ZNF836: variants seen among roughly 807,000 people sequenced by gnomAD.
The protein encoded by ZNF836 is zinc finger protein 836.
A neutral mutation model predicts 7.4 loss-of-function variants in ZNF836; 12 were observed. That is an observed-to-expected ratio of 1.61 (90% CI 1.03 to 2.61). The LOEUF is 2.61. Ranked by LOEUF, ZNF836 falls within the 30% of genes most tolerant of loss-of-function variation. ZNF836 has a pLI of 0.00. For missense variants in ZNF836, 998 were observed against 1,126.2 expected (o/e 0.89, Z 1.63); for synonymous variants, 365 against 382.6 (o/e 0.95, Z 0.54).
At position 52,161,440 on chromosome 19, in the gene ZNF836, C is replaced by T. The variant is rs895154426; in HGVS notation, c.16-849G>A. Among the ~76,000 whole-genome samples the T allele has an allele frequency of 1.5e-5, 2 of 130,866 alleles. No individual in the cohort carries two copies. The highest frequency in any genetic ancestry group is 5.8e-4 in the East Asian group (2 of 3,452). 85.9% of individuals were successfully genotyped at this position (130,866 alleles called of 152,430 possible). On this transcript the variant is annotated intron_variant, in intron 3 of 4. Coordinates refer to ENST00000682614, the MANE Select transcript of ZNF836 (RefSeq NM_001102657.3). This position sits in a 1 kb window ranked among gnomAD's most constrained non-coding sequence, Gnocchi z 4.1. ...GATGGTCTTGTTGCTGCACAGGGGA[C>T]GAATGCTGTTGTCCCCACATGGCAG... is the stretch of plus-strand genomic sequence containing the variant.
At chr19:52,159,402 A>C (rs1040086864) in intron 4 of ZNF836, among the ~76,000 whole-genome samples, 4 of 152,236 alleles carry the variant, frequency 2.6e-5, no homozygotes, top group Non-Finnish European at 4.4e-5. Flanking sequence ...ATTACGAAGA[A>C]AGTAAGACAT....
Position 52,155,354 on chromosome 19 carries a change from G to C in ZNF836, c.2329C>G (p.Pro777Ala), listed in dbSNP as rs745382150. The change falls in exon 5 of 5, where the codon CCT becomes GCT. Residue 777 changes from proline to alanine, a missense_variant. Pro to Ala is a conservative substitution (Grantham distance 27). Coordinates refer to ENST00000682614, the MANE Select transcript of ZNF836 (RefSeq NM_001102657.3). ...RHRRIHTGEK[P>A]YKCNECGKVF... ...TTGCCACATTCATTACATTTGTAAG[G>C]TTTCTCTCCAGTGTGAATTCTCCGA... The C allele has an allele frequency of 1.9e-6, 3 of 1,614,006 alleles. No homozygotes were observed. The highest frequency in any genetic ancestry group is 2.7e-5 in the African/African-American group (2 of 74,900).
In ZNF836 at chr19:52,154,319, G is replaced by T. The variant is rs983944849; in HGVS notation, c.*553C>A. On this transcript the variant is annotated 3_prime_UTR_variant, in exon 5 of 5. Transcript: ENST00000682614. ...CCTGCTCCAACCTCCCTAAATGCTG[G>T]GATTACAGGCATGACCCACCATGCC... Among the ~76,000 whole-genome samples, 1 of 151,932 alleles carries T rather than the reference G, an allele frequency of 6.6e-6. No homozygotes were observed. Among genetic ancestry groups the T allele is most frequent in the Non-Finnish European group, 1.5e-5 (1 of 68,002 alleles).
intron 3 of ZNF836, among the ~76,000 whole-genome samples, chr19:52,167,588 G>GA (rs2089277321): frequency 1.3e-5 from 2 of 151,506 alleles, no homozygotes; most frequent in South Asian, 2.1e-4. Context: ...GTTAGAAACA[G>GA]TGATTAATTC....
rs762746039 is a variant in ZNF836 at position 52,155,714 on chromosome 19, G to T, written c.1969C>A (p.Arg657=). The stretch of plus-strand genomic sequence containing the variant: ...GGTTTCTCTCCGGTATGAATTTTCC[G>T]ATGACGTGCTAGGCATGAGTAGTAA... The part of the protein sequence containing the change: ...FSYYSCLARH[R]KIHTGEKPYK... The change falls in exon 5 of 5, where the codon CGG becomes AGG. Residue 657 remains arginine (R), a synonymous_variant. Transcript: ENST00000682614. 9 of 1,614,064 alleles carry T rather than the reference G, an allele frequency of 5.6e-6. No homozygotes were observed. The African/African-American group carries it at 1.2e-4, about 22-fold the overall frequency.
intron 4 of ZNF836, among the ~76,000 whole-genome samples, chr19:52,158,918 GTCACCATGGTAGATAGA>G (rs2089189996): frequency 6.6e-6 from 1 of 152,114 alleles, no homozygotes; most frequent in Non-Finnish European, 1.5e-5. Context: ...AGGCAATTAG[GTCACCATGGTAGATAGA>G]ATTTCAGGAA....
rs941985744 is a variant in ZNF836 at position 52,161,745 on chromosome 19, T to C, written c.16-1154A>G. Among the ~76,000 whole-genome samples, 1 of 152,064 alleles carries C rather than the reference T, an allele frequency of 6.6e-6. No homozygotes were observed. Among genetic ancestry groups the C allele is most frequent in the African/African-American group, 2.4e-5 (1 of 41,410 alleles). ...ACAAAATACATTCTATCCTAATGGCTCCCAAAGCTTTATTTCTACAACCAA... is the reference window on the plus strand; with the variant it reads ...ACAAAATACATTCTATCCTAATGGCCCCCAAAGCTTTATTTCTACAACCAA... On this transcript the variant is annotated intron_variant, in intron 3 of 4. Transcript: ENST00000682614. The surrounding 1 kb of genome is among the most constrained non-coding windows in gnomAD (Gnocchi z 4.1).
chr19:52,154,885 G>T lies in ZNF836; in HGVS notation c.2798C>A (p.Ser933Tyr). 6.6e-7 allele frequency: 1 copy of T among 1,519,266 alleles called. No individual in the cohort carries two copies. The highest frequency in any genetic ancestry group is 8.8e-7 in the Non-Finnish European group (1 of 1,136,464). 94.1% of individuals were successfully genotyped at this position (1,519,266 alleles called of 1,614,324 possible). The change falls in exon 5 of 5, where the codon TCT becomes TAT. Residue 933 changes from serine to tyrosine, a missense_variant. Coordinates refer to ENST00000682614, the MANE Select transcript of ZNF836 (RefSeq NM_001102657.3). ...AATAAGTATGAATTATTTGAACCCA[G>T]AAGTTAGGAGAACATCTAAAGGCTT... ...VEKPLDVLLT[S>Y]GFK is the part of the protein sequence containing the mutation.
At chr19:52,167,501 A>T (rs773152089) in intron 3 of ZNF836, among the ~76,000 whole-genome samples, 1 of 150,236 alleles carries the variant, frequency 6.7e-6, no homozygotes. Flanking sequence ...AAAAAAATCA[A>T]TGATAAAATA....
At position 52,169,722 on chromosome 19, in the gene ZNF836, G is replaced by A. The variant is rs940301395; in HGVS notation, c.-155C>T. On this transcript the variant is annotated 5_prime_UTR_variant, in exon 2 of 5. Transcript: ENST00000682614. ...GCAGAAAGACTGCTTGAGCCCAGGA[G>A]GTTGAGGCTGCAGTGAGCGGAGATC... 1.3e-5 allele frequency: 2 copies of A among 151,974 alleles called. No homozygotes were observed. Among genetic ancestry groups the A allele is most frequent in the African/African-American group, 4.8e-5 (2 of 41,320 alleles). 9.4% of individuals were successfully genotyped at this position (151,974 alleles called of 1,614,324 possible). A position where few individuals can be genotyped will look rare whatever the true frequency, so the allele number is the denominator to read the frequency against.
At chr19:52,166,591 T>TTG (rs1555788102) in intron 3 of ZNF836, among the ~76,000 whole-genome samples, 1 of 150,158 alleles carries the variant, frequency 6.7e-6, no homozygotes, top group Non-Finnish European at 1.5e-5. Flanking sequence ...TTTTTTTTTT[T>TTG]GAGACGGAGT....
In ZNF836 at chr19:52,161,834, A is replaced by C. The variant is rs1213630261; in HGVS notation, c.16-1243T>G. On this transcript the variant is annotated intron_variant, in intron 3 of 4. Transcript: ENST00000682614. This position sits in a 1 kb window ranked among gnomAD's most constrained non-coding sequence, Gnocchi z 4.1. ...TCTAAATCAGATATGGGTGAGACTCAAACATGCATTTCATCCAAAGGCAAA... is the reference window on the plus strand; with the variant it reads ...TCTAAATCAGATATGGGTGAGACTCCAACATGCATTTCATCCAAAGGCAAA... 6.6e-6 allele frequency among the ~76,000 whole-genome samples: 1 copy of C among 152,236 alleles called. No homozygotes were observed. Among genetic ancestry groups the C allele is most frequent in the Non-Finnish European group, 1.5e-5 (1 of 68,038 alleles).
chr19:52,157,220 A>G lies in ZNF836; in HGVS notation c.463T>C (p.Phe155Leu), dbSNP rs1350184030. ...TCATAAATTTTCCCTTCAGTTTGAA[A>G]TTTCTGCAGTTCAGTCAGACGTGAC... ...FQSRLTELQK[F>L]QTEGKIYECN... Residue 155 changes from phenylalanine to leucine, a missense_variant, in exon 5 of 5, where the codon TTT becomes CTT. Physicochemically the swap from Phe to Leu is conservative, Grantham distance 22. Transcript: ENST00000682614. The G allele has an allele frequency of 2.5e-6, 4 of 1,611,472 alleles. No individual in the cohort carries two copies. The Admixed American group carries it at 5.0e-5, about 20-fold the overall frequency.
chr19:52,167,453 C>A lies in ZNF836; in HGVS notation c.15+605G>T, dbSNP rs1600144410. ...CACCATTGCCCTCCAGCCTGGGCAA[C>A]AAGAACGAAACTCCGTCTCAAAAAA... On this transcript the variant is annotated intron_variant, in intron 3 of 4. Coordinates refer to ENST00000682614, the MANE Select transcript of ZNF836 (RefSeq NM_001102657.3). Among the ~76,000 whole-genome samples, 9 of 49,542 alleles carry A rather than the reference C, an allele frequency of 1.8e-4. No homozygotes were observed. The Admixed American group carries it at 2.9e-3, about 16-fold the overall frequency. The allele number at this position is 49,542 out of a possible 152,430, so 32.5% of individuals were successfully genotyped here. A position where few individuals can be genotyped will look rare whatever the true frequency, so the allele number is the denominator to read the frequency against.
intron 3 of ZNF836, among the ~76,000 whole-genome samples, chr19:52,163,571 G>A (rs557434987): frequency 7.4e-4 from 113 of 152,006 alleles, no homozygotes; most frequent in Admixed American, 1.2e-3. Context: ...TCAAGAGATC[G>A]AAACCATCCT....
In ZNF836 at chr19:52,168,149, A is replaced by C; in HGVS notation, c.-77T>G. ...CAATATAATTAATTCTTTACAAGTCAAATCTGAAAGTGAAAAATCTGTTGT... is the reference window on the plus strand; with the variant it reads ...CAATATAATTAATTCTTTACAAGTCCAATCTGAAAGTGAAAAATCTGTTGT... On this transcript the variant is annotated 5_prime_UTR_variant, in exon 3 of 5. An upstream open reading frame in the 5' UTR loses its in-frame stop. Transcript: ENST00000682614. 1 of 1,566,220 alleles carries C rather than the reference A, an allele frequency of 6.4e-7. No individual in the cohort carries two copies. Among genetic ancestry groups the C allele is most frequent in the East Asian group, 2.2e-5 (1 of 44,450 alleles).
chr19:52,160,359 G>C, intron 4 of ZNF836, 106 bp downstream of exon 4: 2 of 1,412,530 alleles, frequency 1.4e-6, no homozygotes, highest in Non-Finnish European at 2.0e-6. Flanking sequence ...AGTCAACAAG[G>C]CTTCAGTCTC....
Position 52,155,058 on chromosome 19 carries a change from A to T in ZNF836, c.2625T>A (p.Ser875=). ...IECGKAFGRF[S]CLNKHQMIHS... The stretch of plus-strand genomic sequence containing the variant: ...GAATCATTTGGTGTTTGTTGAGGCA[A>T]GAAAACCGCCCAAAGGCCTTGCCAC... Residue 875 remains serine (S), a synonymous_variant, in exon 5 of 5, where the codon TCT becomes TCA. Coordinates refer to ENST00000682614, the MANE Select transcript of ZNF836 (RefSeq NM_001102657.3). 1 of 1,614,190 alleles carries T rather than the reference A, an allele frequency of 6.2e-7. No homozygotes were observed. The highest frequency in any genetic ancestry group is 8.5e-7 in the Non-Finnish European group (1 of 1,180,014).
Position 52,156,547 on chromosome 19 carries a change from A to T in ZNF836, c.1136T>A (p.Ile379Asn). 1 of 1,612,426 alleles carries T rather than the reference A, an allele frequency of 6.2e-7. No individual in the cohort carries two copies. The highest frequency in any genetic ancestry group is 8.5e-7 in the Non-Finnish European group (1 of 1,179,648). The change falls in exon 5 of 5, where the codon ATC becomes AAC. Residue 379 changes from isoleucine (I) to asparagine (N), a missense_variant. Ile to Asn is a moderately radical substitution (Grantham distance 149, BLOSUM62 -3). Transcript: ENST00000682614. ...QNSNLVNHQR[I>N]HTGEKPYKCN... ...TTTGTATGGTTTCTCTCCAGTGTGG[A>T]TTCTCTGGTGATTTACAAGATTAGA...
Sources: gnomAD v4.1 joint callset for allele counts (sites outside exome capture counted in the v4.1 genomes callset) on GRCh38, gnomAD v4.1.1 for gene constraint, Gnocchi (gnomAD v3.1) non-coding constraint, MANE v1.5 for transcripts, NCBI Gene and HGNC (gene_info 2026-07-23, HGNC 2026-07-21) for gene names.